The following KRT36 variants were observed in gnomAD, a reference collection of about 807,000 sequenced individuals.
KRT36 encodes keratin 36, also known as keratin, type I cuticular Ha6.
Under a neutral mutation model 43.0 loss-of-function variants are expected in KRT36, and 41 were observed. The observed-to-expected ratio is 0.95, with a 90% CI of 0.74 to 1.24. The LOEUF (loss-of-function observed/expected upper bound fraction) is 1.24, where lower values mean the gene tolerates loss of function less well. Among genes scored for constraint, KRT36 ranks in the 50% most tolerant of loss-of-function variants. The probability of loss-of-function intolerance (pLI) is 0.00; values close to 1 mark genes in which losing one functional copy is unlikely to be tolerated. For synonymous variants in KRT36, 277 were observed against 252.9 expected, an observed-to-expected ratio of 1.10 and a Z score of -0.90; for missense variants, 627 against 595.3, an observed-to-expected ratio of 1.05 and a Z score of -0.55.
Position 41,487,337 on chromosome 17 carries a change from CA to C in KRT36, c.987+13del. 6.2e-7 allele frequency: 1 copy of C among 1,608,570 alleles called. No homozygotes were observed. ...CACAGGCCGTGGCCAGCGACGCAGG[CA>C]GGGGCCACTCACCATGCTGTGCTGA... On this transcript the variant is annotated intron_variant, in intron 5 of 6. Coordinates refer to ENST00000328119, the MANE Select transcript of KRT36 (RefSeq NM_003771.5).
chr17:41,487,546 G>C (rs1216376680), intron 4 of KRT36, 30 bp downstream of exon 4: 2 of 1,613,044 alleles, frequency 1.2e-6, no homozygotes, highest in South Asian at 1.1e-5. Context: ...CAGCCCAGGA[G>C]CCTGTGGTCC....
In KRT36 at chr17:41,489,629, C is replaced by T. The variant is rs564136236; in HGVS notation, c.236G>A (p.Gly79Glu). The change falls in exon 1 of 7, where the codon GGG becomes GAG. Residue 79 changes from glycine (G) to glutamate (E), a missense_variant. Coordinates refer to ENST00000328119, the MANE Select transcript of KRT36 (RefSeq NM_003771.5). ...GCCCTCGCAGAACCAGCCCCCGCTCCCCACAAAGCCAGAGGTGTGGCACTC... is the reference window on the plus strand; with the variant it reads ...GCCCTCGCAGAACCAGCCCCCGCTCTCCACAAAGCCAGAGGTGTGGCACTC... ...SSECHTSGFVGSGGWFCEGSF... is the reference protein window; with the variant it reads ...SSECHTSGFVESGGWFCEGSF... 9.9e-6 allele frequency: 16 copies of T among 1,614,160 alleles called. No homozygotes were observed. In the East Asian group the frequency reaches 3.1e-4, roughly 31 times the overall value.
intron 6 of KRT36, 108 bp downstream of exon 6, chr17:41,486,842 C>A: frequency 9.9e-7 from 1 of 1,010,988 alleles, no homozygotes. Flanking sequence ...TCTCAAGGGG[C>A]TTTGGTTTAG....
chr17:41,489,906 G>C lies in KRT36; in HGVS notation c.-42C>G. The C allele has an allele frequency of 6.6e-7, 1 of 1,514,230 alleles. No individual in the cohort carries two copies. Among genetic ancestry groups the C allele is most frequent in the Non-Finnish European group, 9.1e-7 (1 of 1,098,728 alleles). The allele number at this position is 1,514,230 out of a possible 1,614,324, so 93.8% of individuals were successfully genotyped here. Reference sequence around the variant, plus strand: ...GGTTGCAGCTTAGCAAGGAGCTCAGGTTCTGGACTCTCAAGGCCTCTATGG... The same window carrying C: ...GGTTGCAGCTTAGCAAGGAGCTCAGCTTCTGGACTCTCAAGGCCTCTATGG... On this transcript the variant is annotated 5_prime_UTR_variant, in exon 1 of 7. Coordinates refer to ENST00000328119, the MANE Select transcript of KRT36 (RefSeq NM_003771.5).
At chr17:41,488,502 A>C in intron 2 of KRT36, 103 bp from the exon 3 acceptor site, 1 of 1,520,574 alleles carries the variant, frequency 6.6e-7, no homozygotes, top group Non-Finnish European at 9.0e-7. Context: ...GATCAGGAGC[A>C]TGACACTCCT....
In KRT36 at chr17:41,486,411, A is replaced by G; in HGVS notation, c.1369T>C (p.Ser457Pro). ...TEEIRDGKVISSREHVQSRPL is the reference protein window; with the variant it reads ...TEEIRDGKVIPSREHVQSRPL Reference sequence around the variant, plus strand: ...CGGGACTGCACGTGCTCCCTGGAGGAGATGACTTTCCCATCTCTGATCTCC... The same window carrying G: ...CGGGACTGCACGTGCTCCCTGGAGGGGATGACTTTCCCATCTCTGATCTCC... Residue 457 changes from serine to proline, a missense_variant, in exon 7 of 7, where the codon TCC (serine) becomes CCC (proline). Physicochemically the swap from Ser to Pro is moderately conservative, Grantham distance 74. Coordinates refer to ENST00000328119, the MANE Select transcript of KRT36 (RefSeq NM_003771.5). The G allele has an allele frequency of 6.2e-7, 1 of 1,613,630 alleles. No individual in the cohort carries two copies. Among genetic ancestry groups the G allele is most frequent in the Non-Finnish European group, 8.5e-7 (1 of 1,179,744 alleles).
chr17:41,486,248 T>C lies in KRT36; in HGVS notation c.*128A>G. On this transcript the variant is annotated 3_prime_UTR_variant, in exon 7 of 7. Coordinates refer to ENST00000328119, the MANE Select transcript of KRT36 (RefSeq NM_003771.5). ...CGGAAACACAATACGGGGAGTGTTT[T>C]GGTAGAAAAACCTGCTAAGCGTAGG... is the stretch of plus-strand genomic sequence containing the variant. The C allele has an allele frequency of 2.9e-6, 2 of 678,208 alleles. No individual in the cohort carries two copies. The highest frequency in any genetic ancestry group is 4.9e-6 in the Non-Finnish European group (2 of 407,840). The allele number at this position is 678,208 out of a possible 1,614,324, so 42.0% of individuals were successfully genotyped here.
chr17:41,487,618 C>T lies in KRT36; in HGVS notation c.819G>A (p.Val273=). The change falls in exon 4 of 7, where the codon GTG becomes GTA. Residue 273 remains valine (V), a synonymous_variant. Transcript: ENST00000328119. ...EDMRCQYEAL[V]ENNRRDVEAW... is the part of the protein sequence containing the mutation. ...CCTCCACATCTCTGCGGTTATTCTC[C>T]ACCAGGGCCTCGTACTGGCATCTCA... is the stretch of plus-strand genomic sequence containing the variant. 1 of 1,614,208 alleles carries T rather than the reference C, an allele frequency of 6.2e-7. No individual in the cohort carries two copies. The highest frequency in any genetic ancestry group is 1.1e-5 in the South Asian group (1 of 91,084).
intron 3 of KRT36, 116 bp downstream of exon 3, chr17:41,488,127 C>T (rs764977302): frequency 5.5e-5 from 54 of 983,758 alleles, no homozygotes; most frequent in Admixed American, 9.3e-5. Context: ...TGAAATGAAA[C>T]GAGAATGAAA....
intron 1 of KRT36, 135 bp downstream of exon 1, chr17:41,489,271 G>A (rs1449833587): frequency 2.6e-5 from 24 of 936,302 alleles, no homozygotes; most frequent in Non-Finnish European, 3.7e-5. Context: ...GGAAACCAAA[G>A]CCCTAGAGAG....
At chr17:41,488,188 G>A in intron 3 of KRT36, 55 bp downstream of exon 3, 2 of 1,568,832 alleles carry the variant, frequency 1.3e-6, no homozygotes, top group Non-Finnish European at 1.7e-6. Context: ...AAGCCCAGCA[G>A]TGGCTTCCTA....
chr17:41,489,576 T>C lies in KRT36; in HGVS notation c.289A>G (p.Met97Val). The C allele has an allele frequency of 6.2e-7, 1 of 1,614,152 alleles. No homozygotes were observed. The highest frequency in any genetic ancestry group is 8.5e-7 in the Non-Finnish European group (1 of 1,180,024). The stretch of plus-strand genomic sequence containing the variant: ...GCCAGGCGGTCGTTCAGGAACTGCA[T>C]AGTCTCCTTCTCGCTGCCGTTGAAG... ...GSFNGSEKETMQFLNDRLANY... is the reference protein window; with the variant it reads ...GSFNGSEKETVQFLNDRLANY... Residue 97 changes from methionine to valine, a missense_variant, in exon 1 of 7, where the codon ATG (methionine) becomes GTG (valine). Transcript: ENST00000328119.
chr17:41,486,457 A>C lies in KRT36; in HGVS notation c.1323T>G (p.Thr441=), dbSNP rs139929352. ...TCTCCTCGGTGATGGTGCGGATCTG[A>C]GTGCCAACCTGGGGAGCCGGGGTGC... ...VPCTPAPQVG[T]QIRTITEEIR... The change falls in exon 7 of 7, where the codon ACT becomes ACG. Residue 441 remains threonine, a synonymous_variant. Transcript: ENST00000328119. 93 of 1,614,038 alleles carry C rather than the reference A, an allele frequency of 5.8e-5. No homozygotes were observed. Among genetic ancestry groups the C allele is most frequent in the Non-Finnish European group, 7.6e-5 (90 of 1,179,976 alleles).
chr17:41,487,242 C>T (rs1055407863), intron 5 of KRT36, 72 bp from the exon 6 acceptor site: 55 of 1,576,126 alleles, frequency 3.5e-5, no homozygotes, highest in Non-Finnish European at 4.6e-5. Flanking sequence ...CAGCCCTGGG[C>T]ATCTGCCTAC....
Position 41,489,550 on chromosome 17 carries a change from G to C in KRT36, c.315C>G (p.Ala105=). Residue 105 remains alanine, a synonymous_variant, in exon 1 of 7, where the codon GCC becomes GCG. Transcript: ENST00000328119. ...GCTGACGCACCTTCTCCAGGTAGTT[G>C]GCCAGGCGGTCGTTCAGGAACTGCA... is the stretch of plus-strand genomic sequence containing the variant. ...ETMQFLNDRL[A]NYLEKVRQLE... is the part of the protein sequence containing the mutation. 6.2e-7 allele frequency: 1 copy of C among 1,614,174 alleles called. No individual in the cohort carries two copies. The highest frequency in any genetic ancestry group is 1.1e-5 in the South Asian group (1 of 91,086).
At position 41,489,613 on chromosome 17, in the gene KRT36, G is replaced by A. The variant is rs1323658881; in HGVS notation, c.252C>T (p.Phe84=). ...TSGFVGSGGW[F]CEGSFNGSEK... is the part of the protein sequence containing the mutation. ...CGCTGCCGTTGAAGGAGCCCTCGCA[G>A]AACCAGCCCCCGCTCCCCACAAAGC... The change falls in exon 1 of 7, where the codon TTC becomes TTT. Residue 84 remains phenylalanine (F), a synonymous_variant. Coordinates refer to ENST00000328119, the MANE Select transcript of KRT36 (RefSeq NM_003771.5). 1 of 1,614,164 alleles carries A rather than the reference G, an allele frequency of 6.2e-7. No homozygotes were observed. Among genetic ancestry groups the A allele is most frequent in the Non-Finnish European group, 8.5e-7 (1 of 1,180,038 alleles).
At position 41,486,321 on chromosome 17, in the gene KRT36, AG is replaced by A; in HGVS notation, c.*54del. On this transcript the variant is annotated 3_prime_UTR_variant, in exon 7 of 7. Transcript: ENST00000328119. ...GGGTCGTTAAGCCTCCAGGAGCCAC[AG>A]GGGTGTCCTCCTTCCTGTGGTCAGG... The A allele has an allele frequency of 6.6e-7, 1 of 1,517,414 alleles. No homozygotes were observed. 94.0% of individuals were successfully genotyped at this position (1,517,414 alleles called of 1,614,324 possible).
rs1004028918 is a variant in KRT36, at chr17:41,486,393, G to A, written c.1387C>T (p.Gln463Ter). The change falls in exon 7 of 7, where the codon CAG (glutamine) becomes TAG (stop). Residue 463 changes from glutamine (Q) to a stop codon, truncating the protein, a stop_gained. Transcript: ENST00000328119. LOFTEE classifies it high-confidence loss of function. ...GKVISSREHV[Q>*]SRPL is the part of the protein sequence containing the mutation. ...GTGGGCTGTCACAGCGGGCGGGACT[G>A]CACGTGCTCCCTGGAGGAGATGACT... The A allele has an allele frequency of 1.2e-6, 2 of 1,613,970 alleles. No homozygotes were observed. Among genetic ancestry groups the A allele is most frequent in the East Asian group, 2.2e-5 (1 of 44,872 alleles).
Position 41,486,959 on chromosome 17 carries a change from T to A in KRT36, c.1199A>T (p.Glu400Val), listed in dbSNP as rs767257608. Residue 400 changes from glutamate (E) to valine (V), a missense_variant, in exon 6 of 7, where the codon GAG becomes GTG. Coordinates refer to ENST00000328119, the MANE Select transcript of KRT36 (RefSeq NM_003771.5). ...IATYRHLLEG[E>V]DCKLPPQPCA... is the part of the protein sequence containing the mutation. ...CCCAAGGGCCACTCACTTGCAGTCC[T>A]CTCCCTCCAGCAGGTGGCGGTAGGT... 6.2e-7 allele frequency: 1 copy of A among 1,612,304 alleles called. No homozygotes were observed.
Sources: allele counts gnomAD v4.1 joint callset, GRCh38; gene constraint gnomAD v4.1.1; transcripts MANE v1.5; gene names NCBI Gene and HGNC (gene_info 2026-07-23, HGNC 2026-07-21).